The following CSMD1 variants were observed in gnomAD, a reference collection of about 807,000 sequenced individuals.
The protein encoded by CSMD1 is CUB and sushi domain-containing protein 1.
A neutral mutation model predicts 417.5 loss-of-function variants in CSMD1; 213 were observed. That is an observed-to-expected ratio of 0.51 (90% CI 0.46 to 0.57). The LOEUF is 0.57. Ranked by LOEUF, CSMD1 falls within the 20% of genes least tolerant of loss-of-function variation. CSMD1 has a pLI of 0.00. For missense variants in CSMD1, 6,923 were observed against 4,529.7 expected (o/e 1.53, Z -15.17); for synonymous variants, 2,862 against 1,736.8 (o/e 1.65, Z -16.11).
chr8:4,582,895 G>A (rs894582512), intron 2 of CSMD1, among the ~76,000 whole-genome samples: 2 of 152,226 alleles, frequency 1.3e-5, no homozygotes, highest in Non-Finnish European at 2.9e-5. Context: ...CCGGGTGGGC[G>A]TGGGCTTGGC....
intron 4 of CSMD1, among the ~76,000 whole-genome samples, chr8:4,002,043 C>T (rs1222788596): frequency 6.6e-6 from 1 of 152,100 alleles, no homozygotes; most frequent in Non-Finnish European, 1.5e-5. Flanking sequence ...TAGCACTCCA[C>T]ATAAAATATA....
chr8:3,193,927 T>G (rs1796562771), intron 33 of CSMD1, among the ~76,000 whole-genome samples: 1 of 152,202 alleles, frequency 6.6e-6, no homozygotes, highest in Admixed American at 6.5e-5. Context: ...ACAGTTGATG[T>G]GAAAACCACA....
chr8:3,409,272 G>C (rs568886508), intron 13 of CSMD1, 151 bp downstream of exon 13: 14 of 559,416 alleles, frequency 2.5e-5, no homozygotes, highest in Admixed American at 3.8e-5. Flanking sequence ...TGGTGTTCGA[G>C]AACGTCCTTG....
At chr8:3,798,968 A>T (rs73658272) in intron 5 of CSMD1, among the ~76,000 whole-genome samples, 2,852 of 152,150 alleles carry the variant, frequency 0.019, 106 homozygotes, top group African/African-American at 0.066. Context: ...ATCCATTTAT[A>T]TATATGGGTG....
intron 26 of CSMD1, among the ~76,000 whole-genome samples, chr8:3,242,488 C>G (rs1799603109): frequency 2.0e-5 from 3 of 152,030 alleles, no homozygotes; most frequent in African/African-American, 4.8e-5. Flanking sequence ...TTTGCCCATT[C>G]TATGCCAAGA....
intron 1 of CSMD1, among the ~76,000 whole-genome samples, chr8:4,937,356 A>T (rs1807690613): frequency 6.6e-6 from 1 of 152,218 alleles, no homozygotes; most frequent in South Asian, 2.1e-4. Context: ...GTGAAAGCAC[A>T]CCTGCTGGGA....
intron 3 of CSMD1, among the ~76,000 whole-genome samples, chr8:4,220,862 G>A (rs375446038): frequency 1.3e-5 from 2 of 152,200 alleles, no homozygotes; most frequent in African/African-American, 4.8e-5. Flanking sequence ...GTAGCTTGGG[G>A]TAACAAGTAA....
At chr8:3,964,015 G>C (rs199862770) in intron 5 of CSMD1, among the ~76,000 whole-genome samples, 1 of 146,910 alleles carries the variant, frequency 6.8e-6, no homozygotes, top group Admixed American at 6.7e-5. Flanking sequence ...AATGCACAAA[G>C]AAACTTCATG....
chr8:4,124,185 G>T (rs777056846), intron 3 of CSMD1, among the ~76,000 whole-genome samples: 1 of 152,112 alleles, frequency 6.6e-6, no homozygotes, highest in Non-Finnish European at 1.5e-5. Flanking sequence ...GGAAGTGGGG[G>T]TGGGCAGTAC....
intron 3 of CSMD1, among the ~76,000 whole-genome samples, chr8:4,094,900 G>C (rs1800919782): frequency 6.6e-6 from 1 of 152,226 alleles, no homozygotes; most frequent in African/African-American, 2.4e-5. Context: ...GATTGAAGAG[G>C]ATACTGGAGA....
intron 3 of CSMD1, among the ~76,000 whole-genome samples, chr8:4,309,012 A>C (rs1028119845): frequency 6.6e-6 from 1 of 152,198 alleles, no homozygotes; most frequent in African/African-American, 2.4e-5. Context: ...GAGAAAATGC[A>C]TAACAGCAAA....
At chr8:3,800,900 C>G (rs1194061934) in intron 5 of CSMD1, among the ~76,000 whole-genome samples, 1 of 152,094 alleles carries the variant, frequency 6.6e-6, no homozygotes, top group Non-Finnish European at 1.5e-5. Flanking sequence ...CCCCAACAAC[C>G]ATGAGTGAAA....
intron 1 of CSMD1, among the ~76,000 whole-genome samples, chr8:4,755,228 A>T (rs1331210751): frequency 6.6e-6 from 1 of 152,144 alleles, no homozygotes; most frequent in Admixed American, 6.5e-5. Context: ...GTATTTCCTG[A>T]GTCTTTGTTG....
intron 1 of CSMD1, among the ~76,000 whole-genome samples, chr8:4,911,726 G>A (rs929005824): frequency 6.6e-6 from 1 of 152,026 alleles, no homozygotes; most frequent in Non-Finnish European, 1.5e-5. Flanking sequence ...ATCAACTCTA[G>A]CAAGGGACTG....
At chr8:3,919,611 A>T (rs866424572) in intron 5 of CSMD1, among the ~76,000 whole-genome samples, 2 of 152,014 alleles carry the variant, frequency 1.3e-5, no homozygotes, top group Non-Finnish European at 2.9e-5. Context: ...TGCTTTGGTT[A>T]TCTCTGGTCT....
intron 3 of CSMD1, among the ~76,000 whole-genome samples, chr8:4,074,545 T>A (rs1174008122): frequency 3.3e-5 from 5 of 152,126 alleles, no homozygotes; most frequent in Non-Finnish European, 5.9e-5. Flanking sequence ...CTACCATAAA[T>A]ATTCCCAGTG....
chr8:3,276,361 T>A (rs145074825), intron 26 of CSMD1, among the ~76,000 whole-genome samples: 5,993 of 152,256 alleles, frequency 0.039, 135 homozygotes, highest in African/African-American at 0.063. Flanking sequence ...CCATCTTCTG[T>A]GTCGTTCACG....
At chr8:4,726,862 G>A (rs1809494172) in intron 1 of CSMD1, among the ~76,000 whole-genome samples, 1 of 152,124 alleles carries the variant, frequency 6.6e-6, no homozygotes, top group Non-Finnish European at 1.5e-5. Flanking sequence ...AGCTGAAATA[G>A]TATTGAGTTT....
intron 26 of CSMD1, among the ~76,000 whole-genome samples, chr8:3,236,129 A>T (rs1038983190): frequency 2.0e-5 from 3 of 151,988 alleles, no homozygotes; most frequent in Non-Finnish European, 2.9e-5. Context: ...CATGTTAGCC[A>T]GGAGAGTCTC....
Sources: allele counts gnomAD v4.1 joint callset (sites outside exome capture counted in the v4.1 genomes callset), GRCh38; gene constraint gnomAD v4.1.1; transcripts MANE v1.5; gene names NCBI Gene and HGNC (gene_info 2026-07-23, HGNC 2026-07-21).